Variants in YWHAQ observed in about 807,000 individuals in gnomAD.
YWHAQ encodes the protein 14-3-3 protein theta.
A neutral mutation model predicts 28.3 loss-of-function variants in YWHAQ; 6 were observed. The ratio of observed to expected loss-of-function variants is 0.21; its 90% CI spans 0.12 to 0.42. The LOEUF (loss-of-function observed/expected upper bound fraction) is 0.42. Among genes scored for constraint, YWHAQ ranks in the 10% least tolerant of loss-of-function variants. The pLI is 1.00. For synonymous variants in YWHAQ, 143 were observed against 119.1 expected, an observed-to-expected ratio of 1.20 and a Z score of -1.31; for missense variants, 201 against 305.6, an observed-to-expected ratio of 0.66 and a Z score of 2.55.
intron 2 of YWHAQ, among the ~76,000 whole-genome samples, chr2:9,604,633 A>G (rs1666781266): frequency 6.6e-6 from 1 of 152,202 alleles, no homozygotes; most frequent in Non-Finnish European, 1.5e-5. Context: ...CAAACACAGT[A>G]TTAAGGAGAC....
Position 9,585,217 on chromosome 2 carries a change from A to C in YWHAQ, c.*69T>G. 1 of 1,559,144 alleles carries C rather than the reference A, an allele frequency of 6.4e-7. No individual in the cohort carries two copies. The highest frequency in any genetic ancestry group is 1.4e-5 in the African/African-American group (1 of 73,870). ...GGGTTTCTTTGCTATAGGAAATCCA[A>C]GTGGAATAAGGAATGGAGATGTGTA... On this transcript the variant is annotated 3_prime_UTR_variant, in exon 6 of 6. Coordinates refer to ENST00000238081, the MANE Select transcript of YWHAQ (RefSeq NM_006826.4).
intron 3 of YWHAQ, 60 bp from the exon 4 acceptor site, chr2:9,588,388 A>G (rs1666389230): frequency 6.4e-7 from 1 of 1,550,870 alleles, no homozygotes; most frequent in Non-Finnish European, 8.7e-7. Context: ...TACACAGTAC[A>G]TTAACAACTT....
intron 2 of YWHAQ, among the ~76,000 whole-genome samples, chr2:9,615,001 T>C (rs1473654456): frequency 6.6e-6 from 1 of 152,080 alleles, no homozygotes; most frequent in African/African-American, 2.4e-5. Context: ...AGGGACAACA[T>C]AAAAACCCTG....
At chr2:9,608,319 A>AT (rs1457184340) in intron 2 of YWHAQ, among the ~76,000 whole-genome samples, 1 of 152,230 alleles carries the variant, frequency 6.6e-6, no homozygotes, top group Non-Finnish European at 1.5e-5. Context: ...AGCTACAGCA[A>AT]TAAGTGAAAG....
intron 2 of YWHAQ, chr2:9,620,641 C>G (rs976829663): frequency 1.3e-5 from 2 of 152,168 alleles, no homozygotes; most frequent in African/African-American, 4.8e-5. Flanking sequence ...TTCCAACATA[C>G]CAGATCTTTA....
intron 5 of YWHAQ, 31 bp downstream of exon 5, chr2:9,587,383 G>A: frequency 6.4e-7 from 1 of 1,567,556 alleles, no homozygotes; most frequent in East Asian, 2.3e-5. Context: ...TTTCTGAAAA[G>A]AAAATAAAAT....
At chr2:9,609,028 G>C (rs952493022) in intron 2 of YWHAQ, among the ~76,000 whole-genome samples, 1 of 152,226 alleles carries the variant, frequency 6.6e-6, no homozygotes, top group African/African-American at 2.4e-5. Flanking sequence ...ACACAAACAG[G>C]ATAGTCAGTT....
At chr2:9,624,779 C>T (rs904502879) in intron 2 of YWHAQ, among the ~76,000 whole-genome samples, 27 of 151,776 alleles carry the variant, frequency 1.8e-4, no homozygotes, top group Non-Finnish European at 2.2e-4. Flanking sequence ...AAGAGTTTCG[C>T]TCTGTCGCCT....
At chr2:9,589,882 T>A (rs1187249010) in intron 3 of YWHAQ, among the ~76,000 whole-genome samples, 1 of 152,204 alleles carries the variant, frequency 6.6e-6, no homozygotes, top group Non-Finnish European at 1.5e-5. Flanking sequence ...GTTTTCTGTA[T>A]GAGGCCACTG....
At chr2:9,588,955 A>T (rs1329446069) in intron 3 of YWHAQ, among the ~76,000 whole-genome samples, 4 of 151,922 alleles carry the variant, frequency 2.6e-5, no homozygotes, top group African/African-American at 2.4e-5. Context: ...TCTCTACAAA[A>T]AATAATAATA....
intron 2 of YWHAQ, among the ~76,000 whole-genome samples, chr2:9,608,379 T>C (rs1388796533): frequency 2.6e-5 from 4 of 152,078 alleles, no homozygotes; most frequent in Non-Finnish European, 4.4e-5. Flanking sequence ...TAGAAAAACT[T>C]TGTCATCGCT....
chr2:9,593,908 AT>A (rs1199633677), intron 2 of YWHAQ, among the ~76,000 whole-genome samples: 10 of 118,988 alleles, frequency 8.4e-5, no homozygotes, highest in African/African-American at 3.3e-4. Context: ...TAAAAAAAAT[AT>A]ATATATATAT....
At chr2:9,589,479 G>T (rs953814265) in intron 3 of YWHAQ, among the ~76,000 whole-genome samples, 2 of 152,102 alleles carry the variant, frequency 1.3e-5, no homozygotes, top group Non-Finnish European at 2.9e-5. Flanking sequence ...AGCTACTTGG[G>T]AGGCTAGGCA....
chr2:9,597,634 CAAAAAAAAAA>C (rs562319001), intron 2 of YWHAQ, among the ~76,000 whole-genome samples: 2 of 75,318 alleles, frequency 2.7e-5, no homozygotes, highest in African/African-American at 4.4e-5. Flanking sequence ...AACTCCGTCT[CAAAAAAAAAA>C]AAAAAAAAAG....
chr2:9,621,377 A>G (rs1462302792), intron 2 of YWHAQ, among the ~76,000 whole-genome samples: 1 of 152,204 alleles, frequency 6.6e-6, no homozygotes, highest in Non-Finnish European at 1.5e-5. Flanking sequence ...AACAAGACAC[A>G]GGCTACACAC....
chr2:9,607,700 A>G (rs1666860644), intron 2 of YWHAQ, among the ~76,000 whole-genome samples: 1 of 149,106 alleles, frequency 6.7e-6, no homozygotes, highest in African/African-American at 2.5e-5. Flanking sequence ...AAAGGTTACT[A>G]AATTCTTCCT....
intron 2 of YWHAQ, among the ~76,000 whole-genome samples, chr2:9,602,241 G>C (rs1019503645): frequency 6.6e-6 from 1 of 151,940 alleles, no homozygotes; most frequent in African/African-American, 2.4e-5. Flanking sequence ...AGTCTGGGCA[G>C]CTAAGCATGA....
intron 2 of YWHAQ, among the ~76,000 whole-genome samples, chr2:9,592,737 A>G: frequency 6.6e-6 from 1 of 152,158 alleles, no homozygotes; most frequent in Non-Finnish European, 1.5e-5. Context: ...AAACAAAAAC[A>G]AAAACAAAAA....
chr2:9,605,030 A>G (rs1666791915), intron 2 of YWHAQ, among the ~76,000 whole-genome samples: 1 of 152,204 alleles, frequency 6.6e-6, no homozygotes, highest in Admixed American at 6.5e-5. Flanking sequence ...ACTACTTTGA[A>G]ATGATATGTG....
Sources: gnomAD v4.1 joint callset for allele counts (sites outside exome capture counted in the v4.1 genomes callset) on GRCh38, gnomAD v4.1.1 for gene constraint, MANE v1.5 for transcripts, NCBI Gene and HGNC (gene_info 2026-07-23, HGNC 2026-07-21) for gene names.